Variants in RALYL observed in about 807,000 individuals in gnomAD.
The protein encoded by RALYL is RALY RNA binding protein like.
A neutral mutation model predicts 35.1 loss-of-function variants in RALYL; 29 were observed. The ratio of observed to expected loss-of-function variants is 0.83; its 90% confidence interval spans 0.61 to 1.13. The LOEUF is 1.13. Among genes scored for constraint, RALYL ranks in the 50% most tolerant of loss-of-function variants. RALYL has a pLI of 0.00. For synonymous variants in RALYL, 120 were observed against 127.6 expected, an observed-to-expected ratio of 0.94 and a Z score of 0.40; for missense variants, 359 against 360.4, an observed-to-expected ratio of 1.00 and a Z score of 0.03.
chr8:84,603,419 A>G (rs1816414280), intron 2 of RALYL, among the ~76,000 whole-genome samples: 2 of 151,974 alleles, frequency 1.3e-5, no homozygotes, highest in African/African-American at 2.4e-5. Context: ...TGGGATTTAA[A>G]TGGATGAATG....
In RALYL at chr8:84,511,025, C is replaced by A. The variant is rs1441744312; in HGVS notation, c.-23-18274C>A. On this transcript the variant is annotated intron_variant, in intron 1 of 8. Transcript: ENST00000521268. Reference sequence around the variant, plus strand: ...GTACAATAGATCTCAAAACCTATTTCTCCTGTCTATCTGAAACGTTTTACC... The same window carrying A: ...GTACAATAGATCTCAAAACCTATTTATCCTGTCTATCTGAAACGTTTTACC... 3.3e-5 allele frequency among the ~76,000 whole-genome samples: 5 copies of A among 152,148 alleles called. 1 individual carries two copies. Among genetic ancestry groups the A allele is most frequent in the Non-Finnish European group, 7.4e-5 (5 of 68,020 alleles).
At chr8:84,430,929 C>G (rs1328228499) in intron 1 of RALYL, among the ~76,000 whole-genome samples, 2 of 152,152 alleles carry the variant, frequency 1.3e-5, no homozygotes, top group African/African-American at 4.8e-5. Flanking sequence ...CCCACAGTCA[C>G]TCAGCTGGGC....
chr8:84,462,405 G>A lies in RALYL; in HGVS notation c.-23-66894G>A, dbSNP rs142749758. Reference sequence around the variant, plus strand: ...CCTAATCTGACTTGTTCCGTCCTCTGAATTGTATTTCAAAGAGCAGTTTTT... The same window carrying A: ...CCTAATCTGACTTGTTCCGTCCTCTAAATTGTATTTCAAAGAGCAGTTTTT... On this transcript the variant is annotated intron_variant, in intron 1 of 8. Coordinates refer to ENST00000521268, the MANE Select transcript of RALYL (RefSeq NM_173848.7). Among the ~76,000 whole-genome samples the A allele has an allele frequency of 7.0e-3, 1,049 of 150,320 alleles. 14 individuals are homozygous for A. The highest frequency in any genetic ancestry group is 0.024 in the African/African-American group (967 of 41,064).
chr8:84,583,247 T>A (rs1401710074), intron 2 of RALYL, among the ~76,000 whole-genome samples: 4 of 152,088 alleles, frequency 2.6e-5, no homozygotes, highest in African/African-American at 9.7e-5. Context: ...TAAGAATGAT[T>A]TGAGATTGGT....
chr8:84,750,023 A>G (rs772756553), intron 2 of RALYL, among the ~76,000 whole-genome samples: 1 of 152,124 alleles, frequency 6.6e-6, no homozygotes, highest in Non-Finnish European at 1.5e-5. Context: ...CTGGAACAGA[A>G]CCTAGCTGCT....
intron 1 of RALYL, among the ~76,000 whole-genome samples, chr8:84,399,934 T>C (rs1006094903): frequency 1.3e-5 from 2 of 152,142 alleles, no homozygotes; most frequent in African/African-American, 4.8e-5. Context: ...CTGGCCAACA[T>C]GGCGAAACCC....
Position 84,838,541 on chromosome 8 carries a change from A to G in RALYL, c.366-11439A>G, listed in dbSNP as rs137860158. 1.3e-4 allele frequency among the ~76,000 whole-genome samples: 20 copies of G among 152,364 alleles called. No individual in the cohort carries two copies. In the East Asian group the frequency reaches 3.7e-3, roughly 28 times the overall value. On this transcript the variant is annotated intron_variant, in intron 4 of 8. Coordinates refer to ENST00000521268, the MANE Select transcript of RALYL (RefSeq NM_173848.7). The stretch of plus-strand genomic sequence containing the variant: ...AGACAAAAGCAGTCTTGACATGATT[A>G]CCAAGACAGGTCTGTTTGTGCATTT...
At chr8:84,833,403 C>A (rs574378037) in intron 4 of RALYL, among the ~76,000 whole-genome samples, 5 of 152,006 alleles carry the variant, frequency 3.3e-5, no homozygotes, top group African/African-American at 1.2e-4. Flanking sequence ...TTTGAGAGGC[C>A]AAGGCGGCTA....
chr8:84,266,459 A>G (rs938542631), intron 1 of RALYL, among the ~76,000 whole-genome samples: 1 of 152,228 alleles, frequency 6.6e-6, no homozygotes, highest in Non-Finnish European at 1.5e-5. Context: ...AATGTCAGAT[A>G]GTATTTCGAT....
intron 1 of RALYL, among the ~76,000 whole-genome samples, chr8:84,385,612 C>A (rs994051117): frequency 5.3e-5 from 8 of 151,802 alleles, no homozygotes; most frequent in Admixed American, 2.0e-4. Context: ...TTCTGTTACT[C>A]CTTTCCTGGA....
intron 8 of RALYL, among the ~76,000 whole-genome samples, chr8:84,899,247 G>T (rs1320829003): frequency 1.3e-5 from 2 of 151,928 alleles, no homozygotes; most frequent in East Asian, 3.9e-4. Flanking sequence ...ATTTGGATTT[G>T]CTTCTTTCTT....
At chr8:84,393,346 C>T (rs1297940958) in intron 1 of RALYL, among the ~76,000 whole-genome samples, 1 of 152,014 alleles carries the variant, frequency 6.6e-6, no homozygotes, top group Non-Finnish European at 1.5e-5. Flanking sequence ...CAGAAGCTGC[C>T]CTCAGTTCCT....
intron 1 of RALYL, among the ~76,000 whole-genome samples, chr8:84,475,611 CT>C (rs2053308401): frequency 6.6e-6 from 1 of 151,986 alleles, no homozygotes; most frequent in Non-Finnish European, 1.5e-5. Flanking sequence ...AATTTATTTT[CT>C]TTTATGAGAA....
At chr8:84,625,443 C>T (rs1388872894) in intron 2 of RALYL, among the ~76,000 whole-genome samples, 1 of 152,132 alleles carries the variant, frequency 6.6e-6, no homozygotes. Context: ...GAAGTAAAAA[C>T]ACTGTGAAGC....
At chr8:84,369,443 G>C (rs1316202331) in intron 1 of RALYL, among the ~76,000 whole-genome samples, 1 of 152,022 alleles carries the variant, frequency 6.6e-6, no homozygotes, top group Non-Finnish European at 1.5e-5. Context: ...TCTGCAGATT[G>C]TTTCTCCTCT....
At chr8:84,831,052 G>A (rs2134388324) in intron 4 of RALYL, among the ~76,000 whole-genome samples, 1 of 151,816 alleles carries the variant, frequency 6.6e-6, no homozygotes. Context: ...AAGTAAAATG[G>A]CAAAAATGAG....
rs145996711 is a variant in RALYL at position 84,204,168 on chromosome 8, G to T, written c.-24+19744G>T. 2.2e-4 allele frequency among the ~76,000 whole-genome samples: 33 copies of T among 151,952 alleles called. No homozygotes were observed. The East Asian group carries it at 6.4e-3, about 29-fold the overall frequency. Reference sequence around the variant, plus strand: ...CTGAATAAGAACACAGAAATATCATGTAGAGATTGATAGTCTCAGTAGTTT... The same window carrying T: ...CTGAATAAGAACACAGAAATATCATTTAGAGATTGATAGTCTCAGTAGTTT... On this transcript the variant is annotated intron_variant, in intron 1 of 8. Coordinates refer to ENST00000521268, the MANE Select transcript of RALYL (RefSeq NM_173848.7).
At chr8:84,844,176 C>A in intron 4 of RALYL, among the ~76,000 whole-genome samples, 1 of 152,104 alleles carries the variant, frequency 6.6e-6, no homozygotes, top group Non-Finnish European at 1.5e-5. Context: ...TCAGAGTGAA[C>A]AGGCAACCTA....
intron 1 of RALYL, among the ~76,000 whole-genome samples, chr8:84,363,781 C>T (rs984028134): frequency 5.9e-5 from 9 of 152,158 alleles, no homozygotes; most frequent in South Asian, 2.1e-4. Context: ...CTTCATCTCC[C>T]TGAACCCTGC....
Sources: gnomAD v4.1 joint callset for allele counts (sites outside exome capture counted in the v4.1 genomes callset) on GRCh38, gnomAD v4.1.1 for gene constraint, MANE v1.5 for transcripts, NCBI Gene and HGNC (gene_info 2026-07-23, HGNC 2026-07-21) for gene names.